The following TIAM1 variants were observed in gnomAD, a reference collection of about 807,000 sequenced individuals.
TIAM1 encodes rho guanine nucleotide exchange factor TIAM1.
A neutral mutation model predicts 163.5 loss-of-function variants in TIAM1; 65 were observed. The observed-to-expected ratio is 0.40, with a 90% CI of 0.33 to 0.49. The LOEUF (loss-of-function observed/expected upper bound fraction) is 0.49. TIAM1 is among the 20% of genes least tolerant of loss of function. The probability of loss-of-function intolerance (pLI) is 0.77; values close to 1 mark genes in which losing one functional copy is unlikely to be tolerated. For missense variants in TIAM1, 1,789 were observed against 2,044.7 expected (o/e 0.87, Z 2.41); for synonymous variants, 833 against 810.1 (o/e 1.03, Z -0.48).
intron 13 of TIAM1, among the ~76,000 whole-genome samples, chr21:31,194,193 G>T (rs2085727283): frequency 6.6e-6 from 1 of 151,738 alleles, no homozygotes; most frequent in Admixed American, 6.6e-5. Context: ...CCGCATCCTC[G>T]ATTCCCTTGG....
At chr21:31,162,447 T>C (rs956515427) in intron 16 of TIAM1, among the ~76,000 whole-genome samples, 2 of 152,068 alleles carry the variant, frequency 1.3e-5, no homozygotes, top group Non-Finnish European at 2.9e-5. Flanking sequence ...GCTAACTAAT[T>C]TGAGTTGCAT....
chr21:31,345,679 G>T (rs1027624106), upstream of TIAM1, among the ~76,000 whole-genome samples: 1 of 152,128 alleles, frequency 6.6e-6, no homozygotes, highest in Non-Finnish European at 1.5e-5. Flanking sequence ...GAATGGGCAC[G>T]GTGGCTCACG....
chr21:31,512,617 CTTTTTTTTTTTTT>C (rs35338359), intron 1 of TIAM1, among the ~76,000 whole-genome samples: 1 of 121,762 alleles, frequency 8.2e-6, no homozygotes, highest in Non-Finnish European at 1.7e-5. Context: ...TTTTTCTTTT[CTTTTTTTTTTTTT>C]TTTTTGAGAC....
chr21:31,209,935 T>C, intron 11 of TIAM1, 110 bp downstream of exon 11: 3 of 1,219,052 alleles, frequency 2.5e-6, no homozygotes, highest in Non-Finnish European at 3.4e-6. Flanking sequence ...GGGAGGTGTG[T>C]TTTAAGCACC....
chr21:31,384,508 G>A (rs2076833306), intron 2 of TIAM1, among the ~76,000 whole-genome samples: 2 of 152,006 alleles, frequency 1.3e-5, no homozygotes, highest in African/African-American at 4.8e-5. Context: ...ACAGCAGCTT[G>A]AGGCTGCAGT....
At chr21:31,453,750 A>G (rs915981431) in intron 2 of TIAM1, among the ~76,000 whole-genome samples, 1 of 151,526 alleles carries the variant, frequency 6.6e-6, no homozygotes, top group Non-Finnish European at 1.5e-5. Context: ...AAAAATAAAA[A>G]AAAAGAAAGT....
At chr21:31,286,444 A>T (rs887613130) in intron 2 of TIAM1, among the ~76,000 whole-genome samples, 15 of 152,112 alleles carry the variant, frequency 9.9e-5, no homozygotes, top group African/African-American at 3.4e-4. Context: ...TTGGTGGCTC[A>T]TGCCTGCAAT....
At chr21:31,259,862 G>C (rs1304337649) in intron 4 of TIAM1, among the ~76,000 whole-genome samples, 2 of 152,016 alleles carry the variant, frequency 1.3e-5, no homozygotes, top group South Asian at 4.2e-4. Context: ...AGTGTCTTCT[G>C]TTAAGCTAGA....
intron 2 of TIAM1, among the ~76,000 whole-genome samples, chr21:31,290,308 G>C (rs1171460931): frequency 6.6e-6 from 1 of 151,816 alleles, no homozygotes; most frequent in Admixed American, 6.6e-5. Context: ...AAAAAAATCA[G>C]GAAAGGCAAC....
intron 2 of TIAM1, among the ~76,000 whole-genome samples, chr21:31,454,059 C>T (rs1324063352): frequency 6.6e-6 from 1 of 152,202 alleles, no homozygotes; most frequent in Admixed American, 6.5e-5. Context: ...TTTAATTGCA[C>T]TCCAGTTACC....
intron 2 of TIAM1, among the ~76,000 whole-genome samples, chr21:31,450,729 C>T (rs985259724): frequency 3.9e-5 from 6 of 152,268 alleles, no homozygotes; most frequent in African/African-American, 7.2e-5. Flanking sequence ...GAAGGCGAAA[C>T]GCGTGCCTTA....
At chr21:31,180,312 C>T (rs199901772) in intron 15 of TIAM1, among the ~76,000 whole-genome samples, 2 of 152,098 alleles carry the variant, frequency 1.3e-5, no homozygotes, top group Non-Finnish European at 2.9e-5. Flanking sequence ...TCAGGGACAG[C>T]GAATTTGATG....
chr21:31,465,974 G>A (rs2045518029), intron 1 of TIAM1, among the ~76,000 whole-genome samples: 1 of 152,218 alleles, frequency 6.6e-6, no homozygotes, highest in African/African-American at 2.4e-5. Flanking sequence ...CCAAAGTGCT[G>A]GGATTACAGG....
rs1401605967 is a variant in TIAM1, at chr21:31,361,870, T to TAGAC, written c.-368-22449_-368-22448insGTCT. ...ATAGATAGATAGATAGATAGATAGA[T>TAGAC]AGATAGATAGACAGACATGTGTATA... On this transcript the variant is annotated intron_variant, in intron 2 of 28. Coordinates refer to the TIAM1 transcript ENST00000286827. Among the ~76,000 whole-genome samples the TAGAC allele has an allele frequency of 2.6e-5, 4 of 151,186 alleles. No homozygotes were observed. In the Admixed American group the frequency reaches 2.6e-4, roughly 10 times the overall value.
Position 31,141,731 on chromosome 21 carries a change from TA to T in TIAM1, c.3476-228del, listed in dbSNP as rs1171637064. On this transcript the variant is annotated intron_variant, in intron 20 of 27. Transcript: ENST00000541036. The surrounding 1 kb of genome is among the most constrained non-coding windows in gnomAD (Gnocchi z 4.7). ...TGGGGTGGGGAGAAGCCTGATGAGT[TA>T]AAGGATGACGGAGTGTAGACTGCAG... is the stretch of plus-strand genomic sequence containing the variant. Among the ~76,000 whole-genome samples the T allele has an allele frequency of 6.6e-6, 1 of 152,010 alleles. No homozygotes were observed. Among genetic ancestry groups the T allele is most frequent in the African/African-American group, 2.4e-5 (1 of 41,380 alleles).
rs1342275759 is a variant in TIAM1 at position 31,266,869 on chromosome 21, T to C, written c.104A>G (p.Lys35Arg). 6.2e-6 allele frequency: 10 copies of C among 1,614,148 alleles called. No individual in the cohort carries two copies. The highest frequency in any genetic ancestry group is 1.6e-4 in the Middle Eastern group (1 of 6,062). Residue 35 changes from lysine to arginine, a missense_variant, in exon 4 of 28, where the codon AAG becomes AGG. Lys to Arg is a conservative substitution (Grantham distance 26). Transcript: ENST00000541036. Reference sequence around the variant, plus strand: ...GGAAGCGTGCCTGGTCCTCCGCGTCTTGTGCGAGAGGCGCAGGGAGCGGGA... The same window carrying C: ...GGAAGCGTGCCTGGTCCTCCGCGTCCTGTGCGAGAGGCGCAGGGAGCGGGA... ...HTSRSLRLSH[K>R]TRRTRHASSG...
At chr21:31,451,718 CGTGTGTGTGTGTGT>C (rs59110882) in intron 2 of TIAM1, among the ~76,000 whole-genome samples, 2,602 of 142,250 alleles carry the variant, frequency 0.018, 77 homozygotes, top group African/African-American at 0.065. Flanking sequence ...CATGTGTGTG[CGTGTGTGTGTGTGT>C]GTGTGTGTGT....
At chr21:31,215,935 C>G (rs2087178516) in intron 9 of TIAM1, among the ~76,000 whole-genome samples, 1 of 152,088 alleles carries the variant, frequency 6.6e-6, no homozygotes, top group African/African-American at 2.4e-5. Context: ...CCGAAGTGGG[C>G]AGATCACTTG....
chr21:31,147,148 A>T (rs978847884), intron 19 of TIAM1, 145 bp from the exon 20 acceptor site: 3 of 657,474 alleles, frequency 4.6e-6, no homozygotes, highest in Non-Finnish European at 8.2e-6. Context: ...TTTGCTATCA[A>T]ATGCCCTAAA....
Sources: allele counts gnomAD v4.1 joint callset (sites outside exome capture counted in the v4.1 genomes callset), GRCh38; gene constraint gnomAD v4.1.1; non-coding constraint Gnocchi (gnomAD v3.1); transcripts MANE v1.5; gene names NCBI Gene and HGNC (gene_info 2026-07-23, HGNC 2026-07-21).